The following HMG20B variants were observed in gnomAD, a reference collection of about 807,000 sequenced individuals.
HMG20B encodes the protein SWI/SNF-related matrix-associated actin-dependent regulator of chromatin subfamily E member 1-related.
Under a neutral mutation model 41.6 loss-of-function variants are expected in HMG20B, and 24 were observed. The ratio of observed to expected loss-of-function variants is 0.58; its 90% confidence interval spans 0.42 to 0.81. HMG20B has a LOEUF of 0.81. Ranked by LOEUF, HMG20B falls within the 30% of genes least tolerant of loss-of-function variation. HMG20B has a pLI of 0.00. For missense variants in HMG20B, 461 were observed against 444.0 expected (o/e 1.04, Z -0.34); for synonymous variants, 251 against 186.6 (o/e 1.34, Z -2.81).
At position 3,573,356 on chromosome 19, in the gene HMG20B, A is replaced by G. The variant is rs1402006194; in HGVS notation, c.38+9A>G. ...CCCGGCGCGGCCGCCGCGTGAGTGC[A>G]CTGATCCCCTCCCCACGCCCTCGCT... On this transcript the variant is annotated intron_variant, in intron 2 of 9. Transcript: ENST00000333651. 1.3e-6 allele frequency: 2 copies of G among 1,533,834 alleles called. No individual in the cohort carries two copies. Among genetic ancestry groups the G allele is most frequent in the South Asian group, 1.2e-5 (1 of 82,894 alleles).
rs1301857068 is a variant in HMG20B, at chr19:3,573,363, C to A, written c.38+16C>A. 1 of 1,525,354 alleles carries A rather than the reference C, an allele frequency of 6.6e-7. No homozygotes were observed. The highest frequency in any genetic ancestry group is 2.0e-5 in the Admixed American group (1 of 49,808). The allele number at this position is 1,525,354 out of a possible 1,614,324, so 94.5% of individuals were successfully genotyped here. A position where few individuals can be genotyped will look rare whatever the true frequency, so the allele number is the denominator to read the frequency against. ...CGGCCGCCGCGTGAGTGCACTGATC[C>A]CCTCCCCACGCCCTCGCTACTTTCC... On this transcript the variant is annotated intron_variant, in intron 2 of 9. Transcript: ENST00000333651.
intron 3 of HMG20B, 93 bp from the exon 4 acceptor site, chr19:3,574,290 C>A: frequency 1.1e-6 from 1 of 904,178 alleles, no homozygotes. Flanking sequence ...CGCCCCCATC[C>A]CCGCCCATAC....
At chr19:3,578,139 G>T (rs1599857897) in intron 9 of HMG20B, 26 bp downstream of exon 9, 2 of 1,604,542 alleles carry the variant, frequency 1.2e-6, no homozygotes, top group South Asian at 1.1e-5. Context: ...GGCGGGGCGG[G>T]GCCGGGGTTC....
At chr19:3,577,395 C>G (rs917879141) in intron 8 of HMG20B, among the ~76,000 whole-genome samples, 16 of 150,148 alleles carry the variant, frequency 1.1e-4, no homozygotes, top group African/African-American at 3.9e-4. Flanking sequence ...CTCGCCCCCA[C>G]CGACCGCGCC....
intron 9 of HMG20B, 127 bp downstream of exon 9, chr19:3,578,240 G>A: frequency 1.5e-6 from 2 of 1,365,978 alleles, no homozygotes; most frequent in Non-Finnish European, 2.0e-6. Context: ...CCTCCCGGAG[G>A]GGCCTACCTG....
intron 9 of HMG20B, 52 bp downstream of exon 9, chr19:3,578,165 CCGCCCTGGGGTTCCCCAGGT>C: frequency 4.4e-6 from 7 of 1,589,396 alleles, no homozygotes; most frequent in Non-Finnish European, 6.0e-6. Context: ...CCGGATGTGC[CCGCCCTGGGGTTCCCCAGGT>C]CCGCGAGGGC....
At chr19:3,573,439 T>G in intron 2 of HMG20B, 92 bp downstream of exon 2, 1 of 1,323,360 alleles carries the variant, frequency 7.6e-7, no homozygotes, top group Non-Finnish European at 1.0e-6. Context: ...CCCGCCGGAG[T>G]CTTGACTCCC....
At chr19:3,576,406 C>T in intron 6 of HMG20B, 99 bp downstream of exon 6, 1 of 1,400,858 alleles carries the variant, frequency 7.1e-7, no homozygotes, top group Admixed American at 1.7e-5. Flanking sequence ...TGTGTGCAAG[C>T]AGGGGCGGTG....
rs1288837573 is a variant in HMG20B, at chr19:3,574,513, C to A, written c.278C>A (p.Pro93Gln). ...CGCGAGCAGATCCGCACGCGCCACC[C>A]GGATCTGCCCTTTCCCGAGATCACC... ...ERREQIRTRH[P>Q]DLPFPEITKM... Residue 93 changes from proline to glutamine, a missense_variant, in exon 4 of 10, where the codon CCG becomes CAG. By Grantham distance (76) the Pro-to-Gln change is moderately conservative. Transcript: ENST00000333651. 1 of 1,605,592 alleles carries A rather than the reference C, an allele frequency of 6.2e-7. No individual in the cohort carries two copies. The highest frequency in any genetic ancestry group is 2.2e-5 in the East Asian group (1 of 44,542).
chr19:3,577,037 G>A lies in HMG20B; in HGVS notation c.738G>A (p.Leu246=), dbSNP rs539541269. Residue 246 remains leucine, a synonymous_variant, in exon 8 of 10, where the codon CTG becomes CTA. Coordinates refer to ENST00000333651, the MANE Select transcript of HMG20B (RefSeq NM_006339.3). ...QELALEERRT[L]ALQQQLQAVR... Reference sequence around the variant, plus strand: ...TGGCGCTGGAGGAGCGGAGGACGCTGGCGCTGCAGCAGCAGCTCCAGGCCG... The same window carrying A: ...TGGCGCTGGAGGAGCGGAGGACGCTAGCGCTGCAGCAGCAGCTCCAGGCCG... The A allele has an allele frequency of 1.2e-5, 18 of 1,549,446 alleles. No homozygotes were observed. The highest frequency in any genetic ancestry group is 7.8e-5 in the Admixed American group (4 of 51,100).
At position 3,577,988 on chromosome 19, in the gene HMG20B, C is replaced by T. The variant is rs1427834269; in HGVS notation, c.816C>T (p.Gly272=). ...TTCCCGCCTGTCCCCCAGGCACGGG[C>T]GAAACGCCCACGCTGGGCACTCTGG... The part of the protein sequence containing the change: ...SFASLPVPGT[G]ETPTLGTLDF... The change falls in exon 9 of 10, where the codon GGC becomes GGT. Residue 272 remains glycine (G), a synonymous_variant. Coordinates refer to ENST00000333651, the MANE Select transcript of HMG20B (RefSeq NM_006339.3). The T allele has an allele frequency of 6.3e-7, 1 of 1,598,576 alleles. No individual in the cohort carries two copies. Among genetic ancestry groups the T allele is most frequent in the South Asian group, 1.1e-5 (1 of 89,808 alleles).
At position 3,578,856 on chromosome 19, in the gene HMG20B, C is replaced by T; in HGVS notation, c.*335C>T. ...GACGAAACCCACCCCCAGCACACGGCAGGACCCCCCAAATTACTCACTACG... is the reference window on the plus strand; with the variant it reads ...GACGAAACCCACCCCCAGCACACGGTAGGACCCCCCAAATTACTCACTACG... On this transcript the variant is annotated 3_prime_UTR_variant, in exon 10 of 10. Coordinates refer to ENST00000333651, the MANE Select transcript of HMG20B (RefSeq NM_006339.3). 3.3e-6 allele frequency: 2 copies of T among 601,782 alleles called. No homozygotes were observed. Among genetic ancestry groups the T allele is most frequent in the Non-Finnish European group, 6.2e-6 (2 of 320,130 alleles). 37.3% of individuals were successfully genotyped at this position (601,782 alleles called of 1,614,324 possible). A position where few individuals can be genotyped will look rare whatever the true frequency, so the allele number is the denominator to read the frequency against.
chr19:3,578,644 C>T lies in HMG20B; in HGVS notation c.*123C>T. 3 of 1,228,238 alleles carry T rather than the reference C, an allele frequency of 2.4e-6. No homozygotes were observed. In the South Asian group the frequency reaches 3.9e-5, roughly 16 times the overall value. 76.1% of individuals were successfully genotyped at this position (1,228,238 alleles called of 1,614,324 possible). ...CTGGTCCCATCCTGCACCTTGGGGG[C>T]TCCAGCCCCCCTAAAATTAAATTTC... is the stretch of plus-strand genomic sequence containing the variant. On this transcript the variant is annotated 3_prime_UTR_variant, in exon 10 of 10. Coordinates refer to ENST00000333651, the MANE Select transcript of HMG20B (RefSeq NM_006339.3).
intron 3 of HMG20B, 155 bp from the exon 4 acceptor site, chr19:3,574,228 C>G: frequency 1.5e-6 from 1 of 689,314 alleles, no homozygotes; most frequent in Middle Eastern, 4.0e-4. Flanking sequence ...GTCCCGACTG[C>G]TGACCGGGCC....
chr19:3,575,036 G>A (rs1384283947), intron 4 of HMG20B, among the ~76,000 whole-genome samples: 1 of 152,120 alleles, frequency 6.6e-6, no homozygotes, highest in Non-Finnish European at 1.5e-5. Flanking sequence ...AGCTTTTGGG[G>A]GCGCGGCTAG....
At chr19:3,574,878 C>T (rs1434087809) in intron 4 of HMG20B, among the ~76,000 whole-genome samples, 2 of 152,158 alleles carry the variant, frequency 1.3e-5, no homozygotes, top group Non-Finnish European at 2.9e-5. Context: ...GCTACCATGC[C>T]CTGCTAATTT....
At position 3,578,510 on chromosome 19, in the gene HMG20B, G is replaced by A; in HGVS notation, c.943G>A (p.Glu315Lys). Residue 315 changes from glutamate to lysine, a missense_variant and splice_region_variant, in exon 10 of 10, where the codon GAG becomes AAG. Physicochemically the swap from Glu to Lys is moderately conservative, Grantham distance 56. This residue lies in a region of HMG20B where 308 missense variants were observed against 283.4 expected (regional missense o/e 1.09). Transcript: ENST00000333651. ...CCGGGCCCTCCTCTCTCGTTTCAGC[G>A]AGCACCTGTGAGGAGTGGGCGGGCC... ...IKEILAQVAS[E>K]HL The A allele has an allele frequency of 3.2e-6, 5 of 1,554,438 alleles. No individual in the cohort carries two copies. The highest frequency in any genetic ancestry group is 1.4e-5 in the African/African-American group (1 of 73,040).
At position 3,574,507 on chromosome 19, in the gene HMG20B, G is replaced by A; in HGVS notation, c.272G>A (p.Arg91His). 3.7e-6 allele frequency: 6 copies of A among 1,605,710 alleles called. No individual in the cohort carries two copies. Among genetic ancestry groups the A allele is most frequent in the South Asian group, 1.1e-5 (1 of 89,912 alleles). ...LNERREQIRT[R>H]HPDLPFPEIT... ...GAGCGGCGCGAGCAGATCCGCACGC[G>A]CCACCCGGATCTGCCCTTTCCCGAG... Residue 91 changes from arginine (R) to histidine (H), a missense_variant, in exon 4 of 10, where the codon CGC (arginine) becomes CAC (histidine). Physicochemically the swap from Arg to His is conservative, Grantham distance 29 (BLOSUM62 0). Transcript: ENST00000333651.
chr19:3,578,544 A>G lies in HMG20B; in HGVS notation c.*23A>G, dbSNP rs1568273937. 1.3e-6 allele frequency: 2 copies of G among 1,568,774 alleles called. No homozygotes were observed. The highest frequency in any genetic ancestry group is 2.3e-5 in the South Asian group (2 of 85,328). On this transcript the variant is annotated 3_prime_UTR_variant, in exon 10 of 10. Coordinates refer to ENST00000333651, the MANE Select transcript of HMG20B (RefSeq NM_006339.3). ...TGAGGAGTGGGCGGGCCCACGATGC[A>G]GAGGAGAAGCTGTGGGCGCGGCCCT...
Sources: allele counts gnomAD v4.1 joint callset (sites outside exome capture counted in the v4.1 genomes callset), GRCh38; gene constraint gnomAD v4.1.1; regional missense constraint gnomAD v4.1.1; transcripts MANE v1.5; gene names NCBI Gene and HGNC (gene_info 2026-07-23, HGNC 2026-07-21).